The following SLC30A3 variants were observed in gnomAD, a reference collection of about 807,000 sequenced individuals.
SLC30A3 encodes the protein solute carrier family 30 member 3, also known as probable proton-coupled zinc antiporter SLC30A3.
SLC30A3 carries 20 observed loss-of-function variants against 35.6 expected under a neutral mutation model. The observed-to-expected ratio is 0.56, with a 90% CI of 0.39 to 0.82. The LOEUF (loss-of-function observed/expected upper bound fraction) is 0.82. Among genes scored for constraint, SLC30A3 ranks in the 40% least tolerant of loss-of-function variants. SLC30A3 has a pLI of 0.00. For synonymous variants in SLC30A3, 217 were observed against 224.7 expected (o/e 0.97, Z 0.31); for missense variants, 401 against 530.6 (o/e 0.76, Z 2.40).
rs1002361079 is a variant in SLC30A3 at position 27,257,141 on chromosome 2, C to T, written c.777+13G>A. ...TGGGGAGGAAGGCTGGGGCAGGTCTCCAATGATGGTACCTTGAAGTAGATG... is the reference window on the plus strand; with the variant it reads ...TGGGGAGGAAGGCTGGGGCAGGTCTTCAATGATGGTACCTTGAAGTAGATG... On this transcript the variant is annotated intron_variant, in intron 5 of 7. Transcript: ENST00000233535. This position sits in a 1 kb window ranked among gnomAD's most constrained non-coding sequence, Gnocchi z 4.7. 6.2e-7 allele frequency: 1 copy of T among 1,612,984 alleles called. No homozygotes were observed. The highest frequency in any genetic ancestry group is 8.5e-7 in the Non-Finnish European group (1 of 1,179,158).
chr2:27,272,789 C>T lies in SLC30A3; in HGVS notation c.-159+2388G>A, dbSNP rs556956637. ...TTCACCAGCTGGGCGTGGTGGCTCA[C>T]GCCTGTAATCCCTGCACTTTTGGAG... On this transcript the variant is annotated intron_variant, in intron 1 of 5. Transcript: ENST00000424577. 2.5e-3 allele frequency among the ~76,000 whole-genome samples: 374 copies of T among 151,710 alleles called. 2 individuals are homozygous for T. Among genetic ancestry groups the T allele is most frequent in the Admixed American group, 5.2e-3 (79 of 15,256 alleles).
chr2:27,256,738 G>A (rs1239800977), intron 6 of SLC30A3, 50 bp downstream of exon 6: 4 of 1,419,428 alleles, frequency 2.8e-6, no homozygotes, highest in Non-Finnish European at 3.9e-6. Context: ...CACTGCGAGA[G>A]TAAAGTCAGA....
upstream of SLC30A3, among the ~76,000 whole-genome samples, chr2:27,267,398 G>A (rs1363557204): frequency 6.6e-6 from 1 of 152,152 alleles, no homozygotes; most frequent in Non-Finnish European, 1.5e-5. Flanking sequence ...CCTGCAAGGG[G>A]TCCTACGGAA....
At chr2:27,275,224 T>C (rs1158641647) in exon 1 of SLC30A3, 6 of 1,303,814 alleles carry the variant, frequency 4.6e-6, no homozygotes, top group East Asian at 5.6e-5. Flanking sequence ...CTGGAGTGAG[T>C]TGGGCCATCA....
chr2:27,259,093 G>A, intron 1 of SLC30A3, 159 bp from the exon 2 acceptor site: 1 of 594,046 alleles, frequency 1.7e-6, no homozygotes, highest in Non-Finnish European at 3.0e-6. Flanking sequence ...GAGAGACCGG[G>A]GCTAAATGAA....
At chr2:27,263,217 C>A, upstream of SLC30A3, 1 of 779,392 alleles carries the variant, frequency 1.3e-6, no homozygotes, top group Non-Finnish European at 1.8e-6. Context: ...AGCGCCCCGC[C>A]ACCCGAGTTC....
Position 27,258,884 on chromosome 2 carries a change from T to C in SLC30A3, c.146A>G (p.Glu49Gly). 6.2e-7 allele frequency: 1 copy of C among 1,613,664 alleles called. No individual in the cohort carries two copies. The highest frequency in any genetic ancestry group is 8.5e-7 in the Non-Finnish European group (1 of 1,179,842). ...EPLPEESKPV[E>G]MPFHHCHRDP... ...CCTGTGGCAGTGGTGGAAGGGCATCTCCACAGGTTTGGACTCCTCAGGGAG... is the reference window on the plus strand; with the variant it reads ...CCTGTGGCAGTGGTGGAAGGGCATCCCCACAGGTTTGGACTCCTCAGGGAG... The change falls in exon 2 of 8, where the codon GAG (glutamate) becomes GGG (glycine). Residue 49 changes from glutamate to glycine, a missense_variant. Physicochemically the swap from Glu to Gly is moderately conservative, Grantham distance 98. Around this residue, in one of 3 missense-constraint regions of SLC30A3, gnomAD observed 103 missense variants for 120.7 expected, o/e 0.85. Coordinates refer to ENST00000233535, the MANE Select transcript of SLC30A3 (RefSeq NM_003459.5). The surrounding 1 kb of genome is among the most constrained non-coding windows in gnomAD (Gnocchi z 4.0).
intron 1 of SLC30A3, 95 bp from the exon 2 acceptor site, chr2:27,259,029 T>G: frequency 1.0e-6 from 1 of 996,490 alleles, no homozygotes; most frequent in Non-Finnish European, 1.5e-6. Flanking sequence ...CATCAGACCA[T>G]CTCCTTCCCC....
At chr2:27,263,740 G>T (rs1677349545), upstream of SLC30A3, among the ~76,000 whole-genome samples, 1 of 147,502 alleles carries the variant, frequency 6.8e-6, no homozygotes, top group Admixed American at 6.9e-5. Flanking sequence ...TAAAGGGCCC[G>T]GCCTGGACCC....
At position 27,253,885 on chromosome 2, in the gene SLC30A3, T is replaced by C. The variant is rs1676709150; in HGVS notation, c.*1427A>G. 6.6e-6 allele frequency: 1 copy of C among 152,218 alleles called. No individual in the cohort carries two copies. Among genetic ancestry groups the C allele is most frequent in the Non-Finnish European group, 1.5e-5 (1 of 68,070 alleles). 9.4% of individuals were successfully genotyped at this position (152,218 alleles called of 1,614,324 possible). A position where few individuals can be genotyped will look rare whatever the true frequency, so the allele number is the denominator to read the frequency against. ...TTTCCCTAGGTTGCCCAGGCTGGTC[T>C]TGAACTCCTGGGCTCAAACAATCCT... is the stretch of plus-strand genomic sequence containing the variant. On this transcript the variant is annotated 3_prime_UTR_variant, in exon 8 of 8. Transcript: ENST00000233535.
upstream of SLC30A3, chr2:27,275,391 G>A (rs1022746561): frequency 2.2e-5 from 9 of 407,446 alleles, no homozygotes; most frequent in African/African-American, 1.5e-4. Context: ...GGCCAATGTG[G>A]CCTCCCCACC....
At chr2:27,265,137 T>C (rs1473822452), upstream of SLC30A3, among the ~76,000 whole-genome samples, 1 of 152,116 alleles carries the variant, frequency 6.6e-6, no homozygotes, top group Non-Finnish European at 1.5e-5. This position sits in a 1 kb window ranked among gnomAD's most constrained non-coding sequence, Gnocchi z 5.9. Context: ...ATAACAACAA[T>C]GGCTTCCTCC....
At position 27,255,230 on chromosome 2, in the gene SLC30A3, C is replaced by T. The variant is rs759979836; in HGVS notation, c.*82G>A. The T allele has an allele frequency of 2.7e-5, 43 of 1,607,564 alleles. No homozygotes were observed. Among genetic ancestry groups the T allele is most frequent in the South Asian group, 5.5e-5 (5 of 90,584 alleles). On this transcript the variant is annotated 3_prime_UTR_variant, in exon 8 of 8. Coordinates refer to ENST00000233535, the MANE Select transcript of SLC30A3 (RefSeq NM_003459.5). This position sits in a 1 kb window ranked among gnomAD's most constrained non-coding sequence, Gnocchi z 5.2. The stretch of plus-strand genomic sequence containing the variant: ...AAGGGGTATGGACCTGGCTCGGTCC[C>T]GTCTCTGTGATCAGGGCAGCAGATG...
In SLC30A3 at chr2:27,255,143, C is replaced by G; in HGVS notation, c.*169G>C. 1 of 1,565,998 alleles carries G rather than the reference C, an allele frequency of 6.4e-7. No individual in the cohort carries two copies. The highest frequency in any genetic ancestry group is 8.6e-7 in the Non-Finnish European group (1 of 1,163,120). ...ACTCCCCGCCACACTTTGGTCTTGC[C>G]CACTGGGGCTGGGGCTGGGGCTGAG... On this transcript the variant is annotated 3_prime_UTR_variant, in exon 8 of 8. Coordinates refer to ENST00000233535, the MANE Select transcript of SLC30A3 (RefSeq NM_003459.5). The surrounding 1 kb of genome is among the most constrained non-coding windows in gnomAD (Gnocchi z 5.2).
At chr2:27,266,304 C>A (rs1241100197), upstream of SLC30A3, among the ~76,000 whole-genome samples, 1 of 152,168 alleles carries the variant, frequency 6.6e-6, no homozygotes, top group Non-Finnish European at 1.5e-5. Context: ...CATCATTTGG[C>A]TTCCAGGCTA....
upstream of SLC30A3, chr2:27,264,144 A>G (rs1276157078): frequency 3.8e-6 from 4 of 1,056,046 alleles, no homozygotes; most frequent in Non-Finnish European, 5.2e-6. The surrounding 1 kb of genome is among the most constrained non-coding windows in gnomAD (Gnocchi z 6.1). Flanking sequence ...GTCTGTGAAG[A>G]GGAGGGTCCG....
At chr2:27,275,333 C>T in exon 1 of SLC30A3, 2 of 681,168 alleles carry the variant, frequency 2.9e-6, no homozygotes, top group Non-Finnish European at 4.6e-6. Flanking sequence ...GGCCGCAGGC[C>T]TGCTAAGCCC....
chr2:27,270,944 T>C (rs551694623), intron 1 of SLC30A3, among the ~76,000 whole-genome samples: 1 of 152,310 alleles, frequency 6.6e-6, no homozygotes, highest in South Asian at 2.1e-4. Flanking sequence ...AGCTTTGGTC[T>C]GTCTGTAGAT....
In SLC30A3 at chr2:27,257,408, C is replaced by A. The variant is rs775087079; in HGVS notation, c.579-56G>T. The A allele has an allele frequency of 2.7e-6, 4 of 1,509,342 alleles. No homozygotes were observed. Among genetic ancestry groups the A allele is most frequent in the Non-Finnish European group, 3.6e-6 (4 of 1,107,734 alleles). The allele number at this position is 1,509,342 out of a possible 1,614,324, so 93.5% of individuals were successfully genotyped here. A position where few individuals can be genotyped will look rare whatever the true frequency, so the allele number is the denominator to read the frequency against. On this transcript the variant is annotated intron_variant, in intron 4 of 7. Coordinates refer to ENST00000233535, the MANE Select transcript of SLC30A3 (RefSeq NM_003459.5). The surrounding 1 kb of genome is among the most constrained non-coding windows in gnomAD (Gnocchi z 4.7). ...GGCCCTGCTCCTGGCCTCCTATACC[C>A]CCATCTCCATGTCTCACCTCCCCAG...
Sources: gnomAD v4.1 joint callset for allele counts (sites outside exome capture counted in the v4.1 genomes callset) on GRCh38, gnomAD v4.1.1 for gene constraint, gnomAD v4.1.1 regional missense constraint, Gnocchi (gnomAD v3.1) non-coding constraint, MANE v1.5 for transcripts, NCBI Gene and HGNC (gene_info 2026-07-23, HGNC 2026-07-21) for gene names.